ARAP2: variants seen among roughly 807,000 people sequenced by gnomAD.
ARAP2 encodes ArfGAP with RhoGAP domain, ankyrin repeat and PH domain 2.
Under a neutral mutation model 194.5 loss-of-function variants are expected in ARAP2, and 148 were observed. The ratio of observed to expected loss-of-function variants is 0.76; its 90% CI spans 0.67 to 0.87. ARAP2 has a LOEUF of 0.87. Among genes scored for constraint, ARAP2 ranks in the 40% least tolerant of loss-of-function variants. The pLI is 0.00. For missense variants in ARAP2, 2,128 were observed against 1,989.7 expected, an observed-to-expected ratio of 1.07 and a Z score of -1.32; for synonymous variants, 695 against 683.5, an observed-to-expected ratio of 1.02 and a Z score of -0.26.
At chr4:36,225,970 T>A (rs1750214287) in intron 2 of ARAP2, among the ~76,000 whole-genome samples, 1 of 152,160 alleles carries the variant, frequency 6.6e-6, no homozygotes, top group East Asian at 1.9e-4. Context: ...ATTATAACAC[T>A]TTAAAATCAT....
chr4:36,148,302 C>A, intron 17 of ARAP2, 103 bp downstream of exon 17: 1 of 788,456 alleles, frequency 1.3e-6, no homozygotes. Context: ...AACTTTATTC[C>A]TACAATCTTA....
At chr4:36,023,914 T>C (rs761419867) in intron 5 of ARAP2, among the ~76,000 whole-genome samples, 2 of 152,208 alleles carry the variant, frequency 1.3e-5, no homozygotes, top group Non-Finnish European at 2.9e-5. Flanking sequence ...CGTTTGTTTT[T>C]TGTTCTTGCG....
chr4:36,057,195 A>G (rs986968654), intron 2 of ARAP2, among the ~76,000 whole-genome samples: 8 of 149,280 alleles, frequency 5.4e-5, no homozygotes, highest in African/African-American at 1.5e-4. Flanking sequence ...AATAATTGTA[A>G]TTGTTTTTTT....
chr4:36,226,311 A>T (rs1374451123), intron 2 of ARAP2, among the ~76,000 whole-genome samples: 1 of 152,188 alleles, frequency 6.6e-6, no homozygotes, highest in Non-Finnish European at 1.5e-5. Context: ...CCACTCCAGC[A>T]TACTTACTAT....
intron 27 of ARAP2, among the ~76,000 whole-genome samples, chr4:36,097,259 G>A (rs1385802480): frequency 6.6e-6 from 1 of 151,892 alleles, no homozygotes; most frequent in Non-Finnish European, 1.5e-5. Context: ...AGTTTTGAAA[G>A]GAATATATGC....
intron 2 of ARAP2, among the ~76,000 whole-genome samples, chr4:36,221,886 T>C (rs1207731621): frequency 6.6e-6 from 1 of 152,138 alleles, no homozygotes; most frequent in African/African-American, 2.4e-5. Context: ...ATTAATTCCT[T>C]GTATCAGCCC....
At chr4:36,185,934 C>T (rs1362761793) in intron 8 of ARAP2, among the ~76,000 whole-genome samples, 1 of 151,240 alleles carries the variant, frequency 6.6e-6, no homozygotes, top group African/African-American at 2.4e-5. Context: ...GCCGAGATTG[C>T]GCCATTGCAC....
chr4:36,085,131 T>G (rs182260919), intron 28 of ARAP2, among the ~76,000 whole-genome samples: 13 of 152,234 alleles, frequency 8.5e-5, no homozygotes, highest in Admixed American at 8.5e-4. Context: ...GTATTTAATA[T>G]GAAATTGCCT....
chr4:36,136,928 G>A (rs911016616), intron 19 of ARAP2, among the ~76,000 whole-genome samples: 12 of 26,598 alleles, frequency 4.5e-4, no homozygotes, highest in Admixed American at 1.3e-3. Flanking sequence ...ATACACGCGC[G>A]CGCGCACACA....
intron 5 of ARAP2, 137 bp from the exon 6 acceptor site, chr4:36,210,880 G>T: frequency 1.6e-6 from 1 of 632,534 alleles, no homozygotes; most frequent in Non-Finnish European, 2.5e-6. Context: ...TAACCCTATT[G>T]AAAATTTTTT....
At chr4:36,238,452 A>G (rs1048101721) in intron 1 of ARAP2, among the ~76,000 whole-genome samples, 1 of 152,142 alleles carries the variant, frequency 6.6e-6, no homozygotes, top group African/African-American at 2.4e-5. Flanking sequence ...AGACTCCACA[A>G]CCTGTGCTAT....
intron 5 of ARAP2, among the ~76,000 whole-genome samples, chr4:36,034,052 A>G (rs150462692): frequency 6.6e-6 from 1 of 152,086 alleles, no homozygotes; most frequent in African/African-American, 2.4e-5. Flanking sequence ...CACTGTAGCA[A>G]TGTAGTATAG....
At chr4:36,107,245 C>T (rs1718645711) in intron 27 of ARAP2, among the ~76,000 whole-genome samples, 1 of 151,964 alleles carries the variant, frequency 6.6e-6, no homozygotes, top group South Asian at 2.1e-4. Flanking sequence ...ATGTAATTCA[C>T]AGAGATGACT....
In ARAP2 at chr4:36,124,975, G is replaced by GA. The variant is rs1329369754; in HGVS notation, c.3641-9_3641-8insT. The GA allele has an allele frequency of 1.9e-6, 3 of 1,546,874 alleles. No individual in the cohort carries two copies. The African/African-American group carries it at 4.2e-5, about 21-fold the overall frequency. On this transcript the variant is annotated splice_polypyrimidine_tract_variant and intron_variant, in intron 21 of 32. Coordinates refer to ENST00000303965, the MANE Select transcript of ARAP2 (RefSeq NM_015230.4). ...CCTTGTCATCTTGCGTATCTGAAGG[G>GA]GAAAAAAAAACAATCTTGAGATCTA...
At chr4:36,183,021 C>A (rs1739640308) in intron 8 of ARAP2, among the ~76,000 whole-genome samples, 1 of 152,106 alleles carries the variant, frequency 6.6e-6, no homozygotes. Flanking sequence ...AGACTTGGGG[C>A]CCCACAATCG....
intron 26 of ARAP2, among the ~76,000 whole-genome samples, chr4:36,113,396 C>T (rs2109499316): frequency 6.6e-6 from 1 of 152,042 alleles, no homozygotes; most frequent in South Asian, 2.1e-4. Context: ...TACTGACAAT[C>T]CCGTTTCATT....
chr4:36,014,751 G>A (rs1329620721), intron 8 of ARAP2, among the ~76,000 whole-genome samples: 1 of 152,140 alleles, frequency 6.6e-6, no homozygotes, highest in Non-Finnish European at 1.5e-5. Context: ...CCAAAGTGAT[G>A]ATACTTGGAG....
intron 26 of ARAP2, among the ~76,000 whole-genome samples, chr4:36,113,210 A>C (rs1233457608): frequency 6.6e-6 from 1 of 151,980 alleles, no homozygotes; most frequent in Non-Finnish European, 1.5e-5. Context: ...CATTTGCCAG[A>C]GTATTTCTGT....
intron 19 of ARAP2, among the ~76,000 whole-genome samples, chr4:36,134,453 C>A (rs1726174831): frequency 6.6e-6 from 1 of 151,566 alleles, no homozygotes; most frequent in South Asian, 2.1e-4. Context: ...CTCTCCTTTC[C>A]AAGACTGCCT....
Sources: gnomAD v4.1 joint callset for allele counts (sites outside exome capture counted in the v4.1 genomes callset) on GRCh38, gnomAD v4.1.1 for gene constraint, MANE v1.5 for transcripts, NCBI Gene and HGNC (gene_info 2026-07-23, HGNC 2026-07-21) for gene names.